Variants in SLC16A12 observed in about 807,000 individuals in gnomAD.
SLC16A12 encodes the protein monocarboxylate transporter 12.
A neutral mutation model predicts 42.4 loss-of-function variants in SLC16A12; 17 were observed. The ratio of observed to expected loss-of-function variants is 0.40; its 90% CI spans 0.27 to 0.60. The LOEUF (loss-of-function observed/expected upper bound fraction) is 0.60. Among genes scored for constraint, SLC16A12 ranks in the 20% least tolerant of loss-of-function variants. The probability of loss-of-function intolerance (pLI) is 0.42; values close to 1 mark genes in which losing one functional copy is unlikely to be tolerated. For synonymous variants in SLC16A12, 224 were observed against 229.4 expected (o/e 0.98, Z 0.21); for missense variants, 544 against 623.0 (o/e 0.87, Z 1.35).
intron 2 of SLC16A12, among the ~76,000 whole-genome samples, chr10:89,521,320 G>A (rs143759381): frequency 5.2e-4 from 79 of 152,308 alleles, no homozygotes; most frequent in African/African-American, 1.7e-3. Flanking sequence ...CATTTTCTAC[G>A]CATGGCACTT....
chr10:89,547,080 T>A (rs541901034), intron 2 of SLC16A12, among the ~76,000 whole-genome samples: 1 of 152,244 alleles, frequency 6.6e-6, no homozygotes, highest in Non-Finnish European at 1.5e-5. Context: ...GGTCAATAGG[T>A]GCAGCAAACC....
intron 3 of SLC16A12, among the ~76,000 whole-genome samples, chr10:89,450,805 C>G (rs1340187233): frequency 1.3e-5 from 2 of 152,062 alleles, no homozygotes; most frequent in Admixed American, 6.6e-5. Flanking sequence ...TGTACCTAAT[C>G]ATTATATGTA....
chr10:89,538,946 G>C (rs537318513), upstream of SLC16A12, among the ~76,000 whole-genome samples: 19 of 152,222 alleles, frequency 1.2e-4, no homozygotes, highest in Non-Finnish European at 1.3e-4. Flanking sequence ...ATCACCCAAG[G>C]GTTCCTCATC....
Position 89,431,129 on chromosome 10 carries a change from C to G in SLC16A12, c.*1935G>C, listed in dbSNP as rs1186336838. ...TGTCCGGCCTCAGCCTCATGAGTAG[C>G]TGGGACTACAGGCGCCCGCCACCAC... On this transcript the variant is annotated 3_prime_UTR_variant, in exon 8 of 8. Coordinates refer to ENST00000371790, the MANE Select transcript of SLC16A12 (RefSeq NM_213606.4). 5.7e-6 allele frequency: 1 copy of G among 175,980 alleles called. No homozygotes were observed. The highest frequency in any genetic ancestry group is 2.4e-5 in the African/African-American group (1 of 41,680). 10.9% of individuals were successfully genotyped at this position (175,980 alleles called of 1,614,324 possible).
At chr10:89,528,006 C>A (rs1843483319) in intron 2 of SLC16A12, among the ~76,000 whole-genome samples, 1 of 152,120 alleles carries the variant, frequency 6.6e-6, no homozygotes, top group Non-Finnish European at 1.5e-5. Context: ...AAACTCCTAT[C>A]TTTCTTACGT....
rs1384384728 is a variant in SLC16A12 at position 89,432,179 on chromosome 10, A to G, written c.*885T>C. The G allele has an allele frequency of 6.5e-6, 1 of 152,688 alleles. No individual in the cohort carries two copies. Among genetic ancestry groups the G allele is most frequent in the East Asian group, 1.9e-4 (1 of 5,200 alleles). The allele number at this position is 152,688 out of a possible 1,614,324, so 9.5% of individuals were successfully genotyped here. A position where few individuals can be genotyped will look rare whatever the true frequency, so the allele number is the denominator to read the frequency against. On this transcript the variant is annotated 3_prime_UTR_variant, in exon 8 of 8. Coordinates refer to ENST00000371790, the MANE Select transcript of SLC16A12 (RefSeq NM_213606.4). ...AAGTAAGAGCTTCTTCTCTGAAGGTAAAAGACGGGAAGTTTTGGTGTTGTT... is the reference window on the plus strand; with the variant it reads ...AAGTAAGAGCTTCTTCTCTGAAGGTGAAAGACGGGAAGTTTTGGTGTTGTT...
At chr10:89,524,784 T>C (rs1314164309) in intron 2 of SLC16A12, among the ~76,000 whole-genome samples, 1 of 152,230 alleles carries the variant, frequency 6.6e-6, no homozygotes, top group Non-Finnish European at 1.5e-5. Flanking sequence ...AGTGCATGTT[T>C]GCCTGGGAAG....
intron 2 of SLC16A12, among the ~76,000 whole-genome samples, chr10:89,472,341 AAG>A (rs1219066652): frequency 1.4e-4 from 22 of 152,054 alleles, no homozygotes; most frequent in Non-Finnish European, 2.4e-4. Context: ...AGGCCTAAAA[AAG>A]AGAGAAAGAG....
At chr10:89,544,864 GT>G (rs1257580327) in intron 2 of SLC16A12, among the ~76,000 whole-genome samples, 5 of 152,124 alleles carry the variant, frequency 3.3e-5, no homozygotes, top group Non-Finnish European at 5.9e-5. Flanking sequence ...TACCACCCCT[GT>G]TTTCATATCC....
intron 2 of SLC16A12, among the ~76,000 whole-genome samples, chr10:89,485,080 C>T (rs910267288): frequency 6.6e-6 from 1 of 152,100 alleles, no homozygotes; most frequent in African/African-American, 2.4e-5. Context: ...ATAGAGCAGC[C>T]GAGAACCAGG....
chr10:89,452,403 T>C (rs569880391), intron 3 of SLC16A12, among the ~76,000 whole-genome samples: 20 of 152,340 alleles, frequency 1.3e-4, no homozygotes, highest in African/African-American at 4.1e-4. Flanking sequence ...TGACATTGCA[T>C]AACATAAAAA....
intron 5 of SLC16A12, 30 bp from the exon 6 acceptor site, chr10:89,439,213 G>A: frequency 6.3e-7 from 1 of 1,593,450 alleles, no homozygotes; most frequent in Non-Finnish European, 8.6e-7. Context: ...TATGAGTGCT[G>A]AAGTACCATA....
In SLC16A12 at chr10:89,542,336, T is replaced by C. The variant is rs531465553; in HGVS notation, c.-47+13546A>G. Among the ~76,000 whole-genome samples the C allele has an allele frequency of 4.1e-5, 6 of 145,812 alleles. 1 individual carries two copies. In the South Asian group the frequency reaches 1.3e-3, roughly 31 times the overall value. On this transcript the variant is annotated intron_variant, in intron 2 of 2. Transcript: ENST00000475682. ...TTTTTTTTTTGAGATAGAGTCACAC[T>C]CTGTCCCACAGGCTGGAGTGCAGTG...
intron 2 of SLC16A12, among the ~76,000 whole-genome samples, chr10:89,550,083 CCT>C (rs1219104915): frequency 6.6e-6 from 1 of 152,134 alleles, no homozygotes; most frequent in Non-Finnish European, 1.5e-5. Context: ...AATATCCACC[CCT>C]TTTTTTCCAT....
intron 6 of SLC16A12, among the ~76,000 whole-genome samples, chr10:89,436,890 AAG>A (rs1589657883): frequency 1.4e-5 from 2 of 148,030 alleles, no homozygotes; most frequent in East Asian, 3.9e-4. Flanking sequence ...GAAAGAAAGA[AAG>A]AAAGAAAGAA....
intron 2 of SLC16A12, among the ~76,000 whole-genome samples, chr10:89,487,286 A>G (rs552968269): frequency 4.6e-5 from 7 of 152,340 alleles, no homozygotes; most frequent in Admixed American, 1.3e-4. Flanking sequence ...TAACATCATC[A>G]TAGTGTACCA....
chr10:89,475,876 A>G (rs1842569891), intron 2 of SLC16A12, among the ~76,000 whole-genome samples: 1 of 152,226 alleles, frequency 6.6e-6, no homozygotes, highest in Admixed American at 6.5e-5. Flanking sequence ...GGCAGACAGT[A>G]GAAAGCAAAA....
At chr10:89,478,325 C>G (rs1842611985) in intron 2 of SLC16A12, among the ~76,000 whole-genome samples, 3 of 152,164 alleles carry the variant, frequency 2.0e-5, no homozygotes, top group African/African-American at 7.2e-5. Flanking sequence ...TAATTGAACC[C>G]AATGGGAGCC....
chr10:89,490,802 G>A (rs755947069), intron 2 of SLC16A12, among the ~76,000 whole-genome samples: 11 of 152,156 alleles, frequency 7.2e-5, no homozygotes, highest in Non-Finnish European at 1.5e-4. Flanking sequence ...ACTCCTGGAG[G>A]TAGTGGGAGC....
Sources: allele counts gnomAD v4.1 joint callset (sites outside exome capture counted in the v4.1 genomes callset), GRCh38; gene constraint gnomAD v4.1.1; transcripts MANE v1.5; gene names NCBI Gene and HGNC (gene_info 2026-07-23, HGNC 2026-07-21).